The following GABRA3 variants were observed in gnomAD, a reference collection of about 807,000 sequenced individuals.
GABRA3 encodes the protein gamma-aminobutyric acid receptor subunit alpha-3.
In GABRA3, 10 loss-of-function variants were observed where a neutral mutation model predicts 30.1. The observed-to-expected ratio is 0.33, with a 90% CI of 0.20 to 0.56. The LOEUF is 0.56. Ranked by LOEUF, GABRA3 falls within the 20% of genes least tolerant of loss-of-function variation. GABRA3 has a pLI of 0.89. For missense variants in GABRA3, 233 were observed against 392.0 expected (o/e 0.59, Z 3.42); for synonymous variants, 151 against 146.8 (o/e 1.03, Z -0.21).
chrX:152,420,364 A>T (rs1266689788), intron 1 of GABRA3, among the ~76,000 whole-genome samples: 2 of 111,792 alleles, frequency 1.8e-5, no homozygotes, highest in Middle Eastern at 4.6e-3. Context: ...AACTACAGAT[A>T]AATTAGTAGC....
chrX:152,325,402 G>A (rs1489999315), intron 3 of GABRA3, among the ~76,000 whole-genome samples: 2 of 111,631 alleles, frequency 1.8e-5, no homozygotes, highest in Non-Finnish European at 3.8e-5. Flanking sequence ...GCCTCCTCAA[G>A]TGGGTCCCTG....
intron 1 of GABRA3, among the ~76,000 whole-genome samples, chrX:152,366,937 G>A (rs912978954): frequency 9.0e-6 from 1 of 111,447 alleles, no homozygotes; most frequent in Non-Finnish European, 1.9e-5. Flanking sequence ...ATTTTTCACT[G>A]TAGCAGAAAG....
chrX:152,196,418 A>AAAAAG (rs1937389176), intron 8 of GABRA3, among the ~76,000 whole-genome samples: 1 of 108,461 alleles, frequency 9.2e-6, no homozygotes, highest in African/African-American at 3.4e-5. Flanking sequence ...GAAAAAAAAA[A>AAAAAG]AAAGAAAGAA....
chrX:152,173,241 G>A (rs1357144206), intron 9 of GABRA3, among the ~76,000 whole-genome samples: 1 of 108,077 alleles, frequency 9.3e-6, no homozygotes, highest in Non-Finnish European at 1.9e-5. Flanking sequence ...TAAAGGCGGT[G>A]GGGGGGTGGG....
chrX:152,311,855 G>C (rs1032767195), intron 3 of GABRA3, among the ~76,000 whole-genome samples: 9 of 110,373 alleles, frequency 8.2e-5, no homozygotes, highest in African/African-American at 2.6e-4. Context: ...AAAAACATCA[G>C]CAAAGTTTTA....
At chrX:152,289,118 G>C (rs1393765826) in intron 3 of GABRA3, among the ~76,000 whole-genome samples, 1 of 108,744 alleles carries the variant, frequency 9.2e-6, no homozygotes, top group Non-Finnish European at 1.9e-5. Flanking sequence ...AAAGAATAAA[G>C]ATGAGCCGAT....
chrX:152,367,926 G>A (rs1928700568), intron 1 of GABRA3, among the ~76,000 whole-genome samples: 1 of 111,797 alleles, frequency 8.9e-6, no homozygotes, highest in South Asian at 3.8e-4. Flanking sequence ...CCATTCAAAA[G>A]GAAATATATC....
intron 4 of GABRA3, among the ~76,000 whole-genome samples, chrX:152,279,829 C>A (rs1421726583): frequency 1.8e-5 from 2 of 111,230 alleles, no homozygotes; most frequent in African/African-American, 6.6e-5. Flanking sequence ...TCCTTCACAT[C>A]CCTTGCAAGT....
chrX:152,347,709 G>C (rs1316494518), intron 2 of GABRA3, among the ~76,000 whole-genome samples: 2 of 111,985 alleles, frequency 1.8e-5, no homozygotes, highest in South Asian at 3.7e-4. Flanking sequence ...GCTTCCATGA[G>C]AATGCATTTC....
chrX:152,250,782 C>G, intron 5 of GABRA3: 1 of 121,708 alleles, frequency 8.2e-6, no homozygotes, highest in Non-Finnish European at 1.7e-5. Flanking sequence ...CCATGCAATG[C>G]TTGCTCAGAT....
chrX:152,405,929 C>T (rs944173941), intron 1 of GABRA3, among the ~76,000 whole-genome samples: 23 of 111,442 alleles, frequency 2.1e-4, no homozygotes, highest in African/African-American at 7.2e-4. Context: ...TTCACATGAC[C>T]TCTCCCCTAA....
intron 1 of GABRA3, among the ~76,000 whole-genome samples, chrX:152,429,960 G>A (rs1023467234): frequency 8.9e-6 from 1 of 112,230 alleles, no homozygotes; most frequent in Non-Finnish European, 1.9e-5. Context: ...TATGATTACA[G>A]ATTAAGTATA....
Position 152,352,730 on chromosome X carries a change from G to A in GABRA3, c.141-7028C>T, listed in dbSNP as rs1005670479. Reference sequence around the variant, plus strand: ...GAATTACTGAGCATATTATGTCTCTGCATCGCTCACAAACCTTTCATAACT... The same window carrying A: ...GAATTACTGAGCATATTATGTCTCTACATCGCTCACAAACCTTTCATAACT... On this transcript the variant is annotated intron_variant, in intron 2 of 9. Coordinates refer to ENST00000370314, the MANE Select transcript of GABRA3 (RefSeq NM_000808.4). 2.7e-4 allele frequency among the ~76,000 whole-genome samples: 30 copies of A among 111,387 alleles called. 1 individual carries two copies. Among genetic ancestry groups the A allele is most frequent in the African/African-American group, 9.1e-4 (28 of 30,662 alleles).
chrX:152,208,174 G>A (rs763749350), intron 6 of GABRA3, 30 bp from the exon 7 acceptor site: 2 of 1,191,911 alleles, frequency 1.7e-6, no homozygotes, highest in Non-Finnish European at 2.3e-6. Flanking sequence ...ATAAAGAGAA[G>A]TTGAAGGAAA....
At chrX:152,374,585 C>T (rs1185411845) in intron 1 of GABRA3, among the ~76,000 whole-genome samples, 1 of 110,985 alleles carries the variant, frequency 9.0e-6, no homozygotes. Flanking sequence ...CTCCTGACCT[C>T]GTGATCTGCC....
intron 1 of GABRA3, among the ~76,000 whole-genome samples, chrX:152,437,081 T>G (rs1930795172): frequency 9.0e-6 from 1 of 111,529 alleles, no homozygotes. Flanking sequence ...AATAAGCACA[T>G]GAGAAAATGT....
chrX:152,199,172 C>CT (rs1347629409), intron 7 of GABRA3, among the ~76,000 whole-genome samples: 2 of 110,159 alleles, frequency 1.8e-5, no homozygotes, highest in East Asian at 5.7e-4. Flanking sequence ...CGAGACCATC[C>CT]TGGCTAACAT....
At chrX:152,283,260 CT>C (rs1341668370) in intron 4 of GABRA3, among the ~76,000 whole-genome samples, 6 of 111,465 alleles carry the variant, frequency 5.4e-5, no homozygotes, top group Non-Finnish European at 1.1e-4. Context: ...TTCCTTATAT[CT>C]TACATACCCC....
intron 2 of GABRA3, among the ~76,000 whole-genome samples, chrX:152,360,584 T>G (rs1408157470): frequency 1.4e-5 from 1 of 73,462 alleles, no homozygotes; most frequent in Admixed American, 1.6e-4. Context: ...CATTGGGAGA[T>G]ATACCTAATG....
Sources: gnomAD v4.1 joint callset for allele counts (sites outside exome capture counted in the v4.1 genomes callset) on GRCh38, gnomAD v4.1.1 for gene constraint, MANE v1.5 for transcripts, NCBI Gene and HGNC (gene_info 2026-07-23, HGNC 2026-07-21) for gene names.